The following MAGI2 variants were observed in gnomAD, a reference collection of about 807,000 sequenced individuals.
The protein encoded by MAGI2 is membrane-associated guanylate kinase, WW and PDZ domain-containing protein 2.
A neutral mutation model predicts 133.3 loss-of-function variants in MAGI2; 35 were observed. The ratio of observed to expected loss-of-function variants is 0.26; its 90% confidence interval spans 0.20 to 0.35. The LOEUF (loss-of-function observed/expected upper bound fraction) is 0.35. Ranked by LOEUF, MAGI2 falls within the 10% of genes least tolerant of loss-of-function variation. The pLI is 1.00. For missense variants in MAGI2, 1,636 were observed against 1,863.4 expected, an observed-to-expected ratio of 0.88 and a Z score of 2.25; for synonymous variants, 729 against 710.6, an observed-to-expected ratio of 1.03 and a Z score of -0.41.
intron 2 of MAGI2, among the ~76,000 whole-genome samples, chr7:78,853,332 C>CTTTTTTTTT (rs60580466): frequency 0.012 from 289 of 25,076 alleles, 121 homozygotes; most frequent in Non-Finnish European, 0.015. Context: ...TCCATTCGTT[C>CTTTTTTTTT]TTTTTTTTTT....
intron 1 of MAGI2, among the ~76,000 whole-genome samples, chr7:79,283,022 T>C (rs1835766647): frequency 6.6e-6 from 1 of 152,136 alleles, no homozygotes; most frequent in East Asian, 1.9e-4. Context: ...GCTGAACATG[T>C]TCTATTTTCT....
At chr7:78,829,716 A>AT (rs1008471990) in intron 2 of MAGI2, among the ~76,000 whole-genome samples, 2 of 151,992 alleles carry the variant, frequency 1.3e-5, no homozygotes, top group African/African-American at 4.8e-5. Context: ...AAACTACTAA[A>AT]TTTTTCACAT....
intron 2 of MAGI2, among the ~76,000 whole-genome samples, chr7:78,840,491 G>A (rs1233738207): frequency 6.6e-6 from 1 of 152,056 alleles, no homozygotes; most frequent in Non-Finnish European, 1.5e-5. Flanking sequence ...AAGATCCCAG[G>A]TGATACTGAT....
rs181552191 is a variant in MAGI2, at chr7:79,304,000, G to A, written c.301+149020C>T. On this transcript the variant is annotated intron_variant, in intron 1 of 21. Coordinates refer to ENST00000354212, the MANE Select transcript of MAGI2 (RefSeq NM_012301.4). ...ATATGATAGTCAACAAAATTGGTCC[G>A]GAAGATTGGCCTTCTTGGCAGATGA... is the stretch of plus-strand genomic sequence containing the variant. Among the ~76,000 whole-genome samples, 289 of 152,102 alleles carry A rather than the reference G, an allele frequency of 1.9e-3. 4 individuals are homozygous for A. The highest frequency in any genetic ancestry group is 1.8e-3 in the Non-Finnish European group (124 of 67,992).
At chr7:78,356,084 G>T (rs1399892860) in intron 7 of MAGI2, among the ~76,000 whole-genome samples, 1 of 152,156 alleles carries the variant, frequency 6.6e-6, no homozygotes, top group Non-Finnish European at 1.5e-5. Flanking sequence ...CTTAGGGCAA[G>T]TCCTAACATC....
intron 1 of MAGI2, among the ~76,000 whole-genome samples, chr7:79,241,680 C>T (rs1585301777): frequency 6.6e-6 from 1 of 152,054 alleles, no homozygotes; most frequent in Non-Finnish European, 1.5e-5. Context: ...ATGGGAGGTG[C>T]CTTTCATAGC....
chr7:78,865,746 G>C (rs747063993), intron 2 of MAGI2, among the ~76,000 whole-genome samples: 3 of 152,152 alleles, frequency 2.0e-5, no homozygotes, highest in African/African-American at 4.8e-5. Flanking sequence ...CAGATTTTTA[G>C]AAGTAAATTT....
intron 3 of MAGI2, among the ~76,000 whole-genome samples, chr7:78,599,999 T>C (rs774154215): frequency 1.3e-5 from 2 of 152,200 alleles, no homozygotes; most frequent in Admixed American, 1.3e-4. Flanking sequence ...AGAATGCTTA[T>C]ACACCCAACA....
At chr7:78,340,098 C>G (rs1257175132) in intron 9 of MAGI2, among the ~76,000 whole-genome samples, 4 of 152,088 alleles carry the variant, frequency 2.6e-5, no homozygotes, top group African/African-American at 4.8e-5. Flanking sequence ...ATAAAAATGG[C>G]AGAACTTTTT....
intron 1 of MAGI2, among the ~76,000 whole-genome samples, chr7:79,015,887 A>G (rs1282391393): frequency 6.6e-6 from 1 of 151,760 alleles, no homozygotes; most frequent in African/African-American, 2.4e-5. Context: ...TTCAGAGGGA[A>G]GATCCATTGA....
At chr7:78,881,140 A>G (rs1197569119) in intron 2 of MAGI2, among the ~76,000 whole-genome samples, 2 of 152,220 alleles carry the variant, frequency 1.3e-5, no homozygotes, top group African/African-American at 4.8e-5. Flanking sequence ...TCAATACCCC[A>G]TTGATAGCAC....
intron 1 of MAGI2, among the ~76,000 whole-genome samples, chr7:79,089,234 C>G (rs1467108355): frequency 6.6e-6 from 1 of 151,992 alleles, no homozygotes; most frequent in South Asian, 2.1e-4. Flanking sequence ...TAGAGAAATG[C>G]AAATCAAAAC....
chr7:79,221,442 T>C (rs903384367), intron 1 of MAGI2, among the ~76,000 whole-genome samples: 24 of 151,902 alleles, frequency 1.6e-4, no homozygotes, highest in Middle Eastern at 3.2e-3. Flanking sequence ...CGGTTTATGG[T>C]AGGTAATGCA....
intron 1 of MAGI2, among the ~76,000 whole-genome samples, chr7:79,030,627 A>G (rs1409341944): frequency 6.6e-6 from 1 of 152,204 alleles, no homozygotes. Flanking sequence ...GGGTGGATGA[A>G]CACAAAAGAA....
In MAGI2 at chr7:78,018,932, T is replaced by A. The variant is rs1047745802; in HGVS notation, c.*383A>T. On this transcript the variant is annotated 3_prime_UTR_variant, in exon 22 of 22. Coordinates refer to ENST00000354212, the MANE Select transcript of MAGI2 (RefSeq NM_012301.4). ...TTAAGGCGATATTCCAGTTTGTGAT[T>A]GCTCTTAACTTTGTCCTGTTTCTTG... 6 of 392,338 alleles carry A rather than the reference T, an allele frequency of 1.5e-5. No homozygotes were observed. The highest frequency in any genetic ancestry group is 4.1e-5 in the African/African-American group (2 of 48,400). 24.3% of individuals were successfully genotyped at this position (392,338 alleles called of 1,614,324 possible). A position where few individuals can be genotyped will look rare whatever the true frequency, so the allele number is the denominator to read the frequency against.
At position 79,241,725 on chromosome 7, in the gene MAGI2, C is replaced by T. The variant is rs778089099; in HGVS notation, c.301+211295G>A. ...TATAATTGTTTACTGCACCAGAAGTCACAAGATTTGTGACTCTCCCAACTG... is the reference window on the plus strand; with the variant it reads ...TATAATTGTTTACTGCACCAGAAGTTACAAGATTTGTGACTCTCCCAACTG... On this transcript the variant is annotated intron_variant, in intron 1 of 21. Coordinates refer to ENST00000354212, the MANE Select transcript of MAGI2 (RefSeq NM_012301.4). Among the ~76,000 whole-genome samples the T allele has an allele frequency of 5.9e-5, 9 of 152,112 alleles. 1 individual carries two copies.
intron 20 of MAGI2, among the ~76,000 whole-genome samples, chr7:78,087,955 A>G (rs1467003014): frequency 6.6e-6 from 1 of 152,234 alleles, no homozygotes; most frequent in African/African-American, 2.4e-5. Context: ...CTGGGGCAAT[A>G]TCTTAAAATT....
chr7:79,340,619 T>C (rs753870261), intron 1 of MAGI2, among the ~76,000 whole-genome samples: 18 of 152,144 alleles, frequency 1.2e-4, no homozygotes, highest in Non-Finnish European at 2.4e-4. Flanking sequence ...AGGATTTTGG[T>C]ATTAATTGTC....
chr7:78,225,852 C>A (rs150591867), intron 10 of MAGI2, among the ~76,000 whole-genome samples: 271 of 152,244 alleles, frequency 1.8e-3, no homozygotes, highest in African/African-American at 6.3e-3. Context: ...TCTTTTAGTC[C>A]TTTGAGTGTC....
Sources: allele counts gnomAD v4.1 joint callset (sites outside exome capture counted in the v4.1 genomes callset), GRCh38; gene constraint gnomAD v4.1.1; transcripts MANE v1.5; gene names NCBI Gene and HGNC (gene_info 2026-07-23, HGNC 2026-07-21).